FBLN5: variants seen among roughly 807,000 people sequenced by gnomAD.
The protein encoded by FBLN5 is fibulin 5, also known as fibulin-5.
A neutral mutation model predicts 61.6 loss-of-function variants in FBLN5; 24 were observed. The ratio of observed to expected loss-of-function variants is 0.39; its 90% confidence interval spans 0.28 to 0.55. The LOEUF is 0.55. FBLN5 is among the 20% of genes least tolerant of loss of function. The pLI is 0.65. For missense variants in FBLN5, 470 were observed against 594.1 expected, an observed-to-expected ratio of 0.79 and a Z score of 2.17; for synonymous variants, 213 against 219.8, an observed-to-expected ratio of 0.97 and a Z score of 0.27.
intron 4 of FBLN5, among the ~76,000 whole-genome samples, chr14:91,898,211 C>CGG (rs140311948): frequency 0.016 from 2,381 of 150,422 alleles, 66 homozygotes; most frequent in African/African-American, 0.054. Flanking sequence ...TTTTTTTTGG[C>CGG]GGGGGGGGCG....
At position 91,882,639 on chromosome 14, in the gene FBLN5, G is replaced by A. The variant is rs536003965; in HGVS notation, c.862+315C>T. 6.6e-6 allele frequency among the ~76,000 whole-genome samples: 1 copy of A among 152,378 alleles called. No individual in the cohort carries two copies. Among genetic ancestry groups the A allele is most frequent in the Admixed American group, 6.5e-5 (1 of 15,310 alleles). ...CTGCTTAGCTCTGGAGCAGTTCTCAGAGGAGCCTCAGAGATCTGCCTGGGG... is the reference window on the plus strand; with the variant it reads ...CTGCTTAGCTCTGGAGCAGTTCTCAAAGGAGCCTCAGAGATCTGCCTGGGG... On this transcript the variant is annotated intron_variant, in intron 8 of 10. Transcript: ENST00000342058. This position sits in a 1 kb window ranked among gnomAD's most constrained non-coding sequence, Gnocchi z 4.9.
At chr14:91,885,588 T>A (rs943198810) in intron 7 of FBLN5, among the ~76,000 whole-genome samples, 1 of 152,084 alleles carries the variant, frequency 6.6e-6, no homozygotes, top group African/African-American at 2.4e-5. Flanking sequence ...TTTTGACCAC[T>A]CTATGAGGGT....
rs763897901 is a variant in FBLN5 at position 91,870,208 on chromosome 14, G to A, written c.*16C>T. ...GGTGCCAATGAGAGGCAGCGTCGGA[G>A]GCTCCAGCCCGAGGCTCAGAATGGG... On this transcript the variant is annotated 3_prime_UTR_variant, in exon 11 of 11. Transcript: ENST00000342058. 1.5e-5 allele frequency: 24 copies of A among 1,613,278 alleles called. No homozygotes were observed. The highest frequency in any genetic ancestry group is 2.0e-5 in the Non-Finnish European group (24 of 1,179,202).
chr14:91,915,461 G>A (rs1039167445), intron 4 of FBLN5, among the ~76,000 whole-genome samples: 1 of 151,944 alleles, frequency 6.6e-6, no homozygotes, highest in Non-Finnish European at 1.5e-5. Flanking sequence ...CAAGGCGGGT[G>A]GATCACGAGG....
At chr14:91,895,889 C>A (rs912208944) in intron 4 of FBLN5, among the ~76,000 whole-genome samples, 1 of 150,894 alleles carries the variant, frequency 6.6e-6, no homozygotes, top group Non-Finnish European at 1.5e-5. Flanking sequence ...ATCTTTCGGT[C>A]TGAAGCTCTC....
rs188896783 is a variant in FBLN5, at chr14:91,870,720, C to T, written c.1186-335G>A. Among the ~76,000 whole-genome samples the T allele has an allele frequency of 3.0e-4, 45 of 152,306 alleles. No homozygotes were observed. The East Asian group carries it at 7.7e-3, about 26-fold the overall frequency. Reference sequence around the variant, plus strand: ...GATTGTCCATACTGTCTACCTGATCCGTGTCTGATATCTAGGCTCCCACTA... The same window carrying T: ...GATTGTCCATACTGTCTACCTGATCTGTGTCTGATATCTAGGCTCCCACTA... On this transcript the variant is annotated intron_variant, in intron 10 of 10. Coordinates refer to ENST00000342058, the MANE Select transcript of FBLN5 (RefSeq NM_006329.4).
At position 91,869,595 on chromosome 14, in the gene FBLN5, A is replaced by G. The variant is rs946660519; in HGVS notation, c.*629T>C. On this transcript the variant is annotated 3_prime_UTR_variant, in exon 11 of 11. Coordinates refer to ENST00000342058, the MANE Select transcript of FBLN5 (RefSeq NM_006329.4). Reference sequence around the variant, plus strand: ...GCCTTTCGAAGGAATTCTACGACATATTTTTTAAAAATACTCAAAATGAAC... The same window carrying G: ...GCCTTTCGAAGGAATTCTACGACATGTTTTTTAAAAATACTCAAAATGAAC... 1.9e-5 allele frequency: 3 copies of G among 154,308 alleles called. No homozygotes were observed. Among genetic ancestry groups the G allele is most frequent in the African/African-American group, 4.8e-5 (2 of 41,452 alleles). The allele number at this position is 154,308 out of a possible 1,614,324, so 9.6% of individuals were successfully genotyped here.
At chr14:91,881,212 T>C in intron 9 of FBLN5, 80 bp downstream of exon 9, 1 of 1,559,046 alleles carries the variant, frequency 6.4e-7, no homozygotes, top group Non-Finnish European at 8.8e-7. Flanking sequence ...GCTGGTGCAC[T>C]CTCTTTCACA....
At chr14:91,908,905 C>CT (rs561272838) in intron 4 of FBLN5, among the ~76,000 whole-genome samples, 17 of 148,890 alleles carry the variant, frequency 1.1e-4, no homozygotes, top group African/African-American at 3.2e-4. Context: ...GGAATCAGTA[C>CT]TTTTTTTTTT....
intron 5 of FBLN5, among the ~76,000 whole-genome samples, chr14:91,894,404 A>C (rs1890123422): frequency 7.0e-6 from 1 of 141,896 alleles, no homozygotes; most frequent in African/African-American, 2.6e-5. Context: ...CACCATATCA[A>C]AAAAAAAAAA....
At chr14:91,894,004 C>A (rs1890102883) in intron 5 of FBLN5, among the ~76,000 whole-genome samples, 1 of 152,250 alleles carries the variant, frequency 6.6e-6, no homozygotes, top group Admixed American at 6.5e-5. Flanking sequence ...ATCATCCTCA[C>A]CTCTGTCACT....
chr14:91,900,657 T>C (rs567213332), intron 4 of FBLN5, among the ~76,000 whole-genome samples: 2 of 152,140 alleles, frequency 1.3e-5, no homozygotes, highest in Non-Finnish European at 2.9e-5. Flanking sequence ...GGCTCCCACA[T>C]TTGGTAACTA....
intron 4 of FBLN5, among the ~76,000 whole-genome samples, chr14:91,919,378 A>AAGAAAGG (rs762859114): frequency 0.014 from 869 of 62,132 alleles, 7 homozygotes; most frequent in Non-Finnish European, 0.022. Flanking sequence ...AAAGAAAAGA[A>AAGAAAGG]AAGAAAGAAA....
At chr14:91,906,494 A>C (rs190786979) in intron 4 of FBLN5, among the ~76,000 whole-genome samples, 175 of 152,334 alleles carry the variant, frequency 1.1e-3, no homozygotes, top group African/African-American at 4.1e-3. Flanking sequence ...TGCGGGTCAC[A>C]CCCACAAACA....
chr14:91,893,956 T>C (rs1207107528), intron 5 of FBLN5, among the ~76,000 whole-genome samples: 3 of 152,256 alleles, frequency 2.0e-5, no homozygotes, highest in Admixed American at 1.3e-4. Flanking sequence ...TAAGCGAAAG[T>C]GTTCCCTTCT....
At chr14:91,913,081 A>G (rs1005039104) in intron 4 of FBLN5, among the ~76,000 whole-genome samples, 6 of 152,206 alleles carry the variant, frequency 3.9e-5, no homozygotes, top group African/African-American at 1.4e-4. Context: ...TTACAAGTAT[A>G]ATTCAATCAC....
intron 4 of FBLN5, among the ~76,000 whole-genome samples, chr14:91,917,433 G>A (rs1265297161): frequency 6.6e-6 from 1 of 151,950 alleles, no homozygotes; most frequent in Admixed American, 6.6e-5. Flanking sequence ...CACATTAGCT[G>A]GGCATGGTGG....
chr14:91,879,401 C>A (rs1595294956), intron 9 of FBLN5, among the ~76,000 whole-genome samples: 1 of 152,202 alleles, frequency 6.6e-6, no homozygotes, highest in South Asian at 2.1e-4. Flanking sequence ...CTGGCAGGAG[C>A]ACAGGACACC....
intron 4 of FBLN5, among the ~76,000 whole-genome samples, chr14:91,918,981 A>C (rs2055676401): frequency 1.3e-5 from 2 of 152,190 alleles, no homozygotes; most frequent in African/African-American, 4.8e-5. Flanking sequence ...GAGATCAGTA[A>C]AGATCTAAGA....
Sources: allele counts gnomAD v4.1 joint callset (sites outside exome capture counted in the v4.1 genomes callset), GRCh38; gene constraint gnomAD v4.1.1; non-coding constraint Gnocchi (gnomAD v3.1); transcripts MANE v1.5; gene names NCBI Gene and HGNC (gene_info 2026-07-23, HGNC 2026-07-21).